Variants in FAM186A observed in about 807,000 individuals in gnomAD.
The protein encoded by FAM186A is family with sequence similarity 186 member A.
FAM186A carries 163 observed loss-of-function variants against 216.8 expected under a neutral mutation model. That is an observed-to-expected ratio of 0.75 (90% CI 0.66 to 0.86). FAM186A has a LOEUF of 0.86. Among genes scored for constraint, FAM186A ranks in the 40% least tolerant of loss-of-function variants. The probability of loss-of-function intolerance (pLI) is 0.00; values close to 1 mark genes in which losing one functional copy is unlikely to be tolerated. For synonymous variants in FAM186A, 805 were observed against 1,025.3 expected (o/e 0.79, Z 4.10); for missense variants, 2,184 against 2,746.2 (o/e 0.80, Z 4.58).
intron 6 of FAM186A, among the ~76,000 whole-genome samples, chr12:50,331,434 GT>G (rs765302163): frequency 7.9e-5 from 12 of 152,012 alleles, no homozygotes; most frequent in Non-Finnish European, 1.8e-4. Context: ...TAGAGATGGG[GT>G]TTCTCCATGT....
chr12:50,354,624 G>A lies in FAM186A; in HGVS notation c.2208C>T (p.Tyr736=), dbSNP rs1942952757. ...CTTGTTCTTCCTTTTTTGTATCTTT[G>A]TATTTTCTCAAGATTTTAGTCACAG... ...AETVTKILRK[Y]KDTKKEEQVG... Residue 736 remains tyrosine (Y), a synonymous_variant, in exon 4 of 8, where the codon TAC becomes TAT. Coordinates refer to ENST00000327337, the MANE Select transcript of FAM186A (RefSeq NM_001145475.3). 1 of 1,546,670 alleles carries A rather than the reference G, an allele frequency of 6.5e-7. No homozygotes were observed. The highest frequency in any genetic ancestry group is 8.7e-7 in the Non-Finnish European group (1 of 1,145,862).
chr12:50,382,658 C>T (rs1943264203), intron 1 of FAM186A, among the ~76,000 whole-genome samples: 1 of 152,036 alleles, frequency 6.6e-6, no homozygotes, highest in South Asian at 2.1e-4. Context: ...TGAGATCGTG[C>T]CACTGCACTC....
chr12:50,327,646 AT>A (rs1282288528), intron 7 of FAM186A, among the ~76,000 whole-genome samples: 1 of 151,506 alleles, frequency 6.6e-6, no homozygotes, highest in African/African-American at 2.4e-5. Context: ...GGCTCAAGCA[AT>A]CCTCCCACCT....
rs1368032805 is a variant in FAM186A, at chr12:50,355,436, T to A, written c.1396A>T (p.Thr466Ser). 36 of 1,551,180 alleles carry A rather than the reference T, an allele frequency of 2.3e-5. No individual in the cohort carries two copies. The highest frequency in any genetic ancestry group is 3.1e-5 in the Non-Finnish European group (35 of 1,146,954). ...QSWKRSHKKA[T>S]YVYETSGPNL... ...GGTCCAGAGGTCTCATATACATATGTGGCTTTTTTGTGGCTTCTTTTCCAT... is the reference window on the plus strand; with the variant it reads ...GGTCCAGAGGTCTCATATACATATGAGGCTTTTTTGTGGCTTCTTTTCCAT... Residue 466 changes from threonine (T) to serine (S), a missense_variant, in exon 4 of 8, where the codon ACA becomes TCA. By Grantham distance (58) the Thr-to-Ser change is moderately conservative. Around this residue, in one of 7 missense-constraint regions of FAM186A, gnomAD observed 1,132 missense variants for 1,263.4 expected, o/e 0.90. Transcript: ENST00000327337.
chr12:50,361,350 C>T (rs1222058255), intron 2 of FAM186A, among the ~76,000 whole-genome samples: 5 of 151,978 alleles, frequency 3.3e-5, no homozygotes, highest in Non-Finnish European at 5.9e-5. Flanking sequence ...AGGCATGTGC[C>T]GCCATGCCCA....
chr12:50,369,064 A>G (rs1482187795), intron 1 of FAM186A, among the ~76,000 whole-genome samples: 1 of 152,132 alleles, frequency 6.6e-6, no homozygotes, highest in Non-Finnish European at 1.5e-5. Flanking sequence ...ATAAAAAATT[A>G]AACTCAAAAT....
intron 3 of FAM186A, among the ~76,000 whole-genome samples, chr12:50,360,239 G>C (rs1943018977): frequency 2.3e-5 from 1 of 44,220 alleles, no homozygotes; most frequent in Non-Finnish European, 4.5e-5. Context: ...GTGATACCCT[G>C]TCTCAAAAAA....
intron 2 of FAM186A, 88 bp from the exon 3 acceptor site, chr12:50,361,014 A>G (rs1377461343): frequency 3.2e-6 from 3 of 937,366 alleles, no homozygotes; most frequent in Non-Finnish European, 4.5e-6. Context: ...TAACTACTCA[A>G]TACAGTAATA....
intron 4 of FAM186A, among the ~76,000 whole-genome samples, chr12:50,341,952 T>C (rs1942766994): frequency 6.6e-6 from 1 of 152,174 alleles, no homozygotes; most frequent in Admixed American, 6.5e-5. Flanking sequence ...AATTTTACTA[T>C]TAAATTGTTT....
At chr12:50,368,702 G>A (rs1004362124) in intron 1 of FAM186A, among the ~76,000 whole-genome samples, 3 of 151,746 alleles carry the variant, frequency 2.0e-5, no homozygotes, top group Non-Finnish European at 4.4e-5. Flanking sequence ...AAGGGATCCT[G>A]AATGGCTGAA....
intron 1 of FAM186A, among the ~76,000 whole-genome samples, chr12:50,378,087 G>C (rs1035788400): frequency 2.0e-5 from 3 of 151,898 alleles, no homozygotes; most frequent in South Asian, 2.1e-4. Flanking sequence ...TAGCCGGCGT[G>C]GTGGCCACAT....
At chr12:50,363,567 A>G (rs542401932) in intron 1 of FAM186A, among the ~76,000 whole-genome samples, 1 of 152,264 alleles carries the variant, frequency 6.6e-6, no homozygotes, top group South Asian at 2.1e-4. Context: ...CAATGCTATG[A>G]TATAATGGAA....
At chr12:50,387,585 A>G (rs1406786794) in intron 1 of FAM186A, among the ~76,000 whole-genome samples, 2 of 152,194 alleles carry the variant, frequency 1.3e-5, no homozygotes, top group Non-Finnish European at 2.9e-5. Flanking sequence ...TGTCTGATTT[A>G]TGTAAGGCTC....
intron 5 of FAM186A, among the ~76,000 whole-genome samples, chr12:50,333,182 A>C (rs1012467163): frequency 6.6e-6 from 1 of 152,184 alleles, no homozygotes; most frequent in Non-Finnish European, 1.5e-5. Context: ...ATTTTAAGGA[A>C]AGACAAGGAT....
At chr12:50,376,449 G>A (rs1943199079) in intron 1 of FAM186A, among the ~76,000 whole-genome samples, 1 of 152,168 alleles carries the variant, frequency 6.6e-6, no homozygotes, top group African/African-American at 2.4e-5. Flanking sequence ...GACTTGAAGT[G>A]GGTAGCTGCT....
At chr12:50,391,515 C>G (rs937958113) in intron 1 of FAM186A, among the ~76,000 whole-genome samples, 7 of 151,560 alleles carry the variant, frequency 4.6e-5, no homozygotes, top group African/African-American at 1.7e-4. Context: ...GGGGTTTTAC[C>G]ATATTGGCCA....
intron 4 of FAM186A, among the ~76,000 whole-genome samples, chr12:50,349,849 G>A (rs1215736901): frequency 5.3e-5 from 8 of 151,496 alleles, no homozygotes; most frequent in East Asian, 2.0e-4. Flanking sequence ...ATGGGATTTC[G>A]CCATGTTGGC....
Position 50,330,577 on chromosome 12 carries a change from A to G in FAM186A, c.7030T>C (p.Ser2344Pro). The change falls in exon 7 of 8, where the codon TCA becomes CCA. Residue 2344 changes from serine (S) to proline (P), a missense_variant. Coordinates refer to ENST00000327337, the MANE Select transcript of FAM186A (RefSeq NM_001145475.3). ...TFRKSLASLQ[S>P]RVKKIPK ...TGCTTCCAGTCCATAACTTACCGTG[A>G]TTGGAGGGATGCAAGAGATTTTCGG... is the stretch of plus-strand genomic sequence containing the variant. 1 of 1,550,758 alleles carries G rather than the reference A, an allele frequency of 6.4e-7. No individual in the cohort carries two copies.
At chr12:50,361,410 G>T (rs1330384224) in intron 2 of FAM186A, among the ~76,000 whole-genome samples, 1 of 151,796 alleles carries the variant, frequency 6.6e-6, no homozygotes, top group Admixed American at 6.6e-5. Flanking sequence ...TGTTGGCCAG[G>T]CTGGTCTTGA....
Sources: gnomAD v4.1 joint callset for allele counts (sites outside exome capture counted in the v4.1 genomes callset) on GRCh38, gnomAD v4.1.1 for gene constraint, gnomAD v4.1.1 regional missense constraint, MANE v1.5 for transcripts, NCBI Gene and HGNC (gene_info 2026-07-23, HGNC 2026-07-21) for gene names.